The following UGGT2 variants were observed in gnomAD, a reference collection of about 807,000 sequenced individuals.
UGGT2 encodes the protein UDP-glucose:glycoprotein glucosyltransferase 2.
A neutral mutation model predicts 192.1 loss-of-function variants in UGGT2; 180 were observed. That is an observed-to-expected ratio of 0.94 (90% CI 0.83 to 1.06). UGGT2 has a LOEUF of 1.06. Among genes scored for constraint, UGGT2 ranks in the 50% least tolerant of loss-of-function variants. The pLI is 0.00. For missense variants in UGGT2, 1,849 were observed against 1,795.7 expected (o/e 1.03, Z -0.54); for synonymous variants, 580 against 591.0 (o/e 0.98, Z 0.27).
intron 35 of UGGT2, 25 bp from the exon 36 acceptor site, chr13:95,853,682 T>C (rs1430615682): frequency 1.3e-6 from 2 of 1,498,040 alleles, no homozygotes; most frequent in Admixed American, 4.6e-5. Context: ...TACTTCTTGA[T>C]AGCCTATGTT....
At chr13:95,957,193 T>G (rs1259846056) in intron 12 of UGGT2, among the ~76,000 whole-genome samples, 1 of 152,188 alleles carries the variant, frequency 6.6e-6, no homozygotes, top group African/African-American at 2.4e-5. Context: ...ATTTAATGTT[T>G]AATGTGAACA....
At chr13:95,982,310 C>G (rs2051152637) in intron 10 of UGGT2, among the ~76,000 whole-genome samples, 1 of 152,202 alleles carries the variant, frequency 6.6e-6, no homozygotes, top group African/African-American at 2.4e-5. Context: ...CACAGGCAAG[C>G]AAGCTAGAAG....
In UGGT2 at chr13:95,893,266, T is replaced by C. The variant is rs571435666; in HGVS notation, c.2855+1296A>G. Among the ~76,000 whole-genome samples the C allele has an allele frequency of 2.0e-5, 3 of 152,268 alleles. No homozygotes were observed. In the East Asian group the frequency reaches 5.8e-4, roughly 29 times the overall value. On this transcript the variant is annotated intron_variant, in intron 24 of 38. Coordinates refer to ENST00000376747, the MANE Select transcript of UGGT2 (RefSeq NM_020121.4). ...AATAACGGATTTATAACAAGTGTTT[T>C]AACATATTTAATTATAAAATGACTC...
chr13:95,963,584 A>C (rs1345018272), intron 12 of UGGT2, among the ~76,000 whole-genome samples: 2 of 152,196 alleles, frequency 1.3e-5, no homozygotes, highest in Admixed American at 6.5e-5. Flanking sequence ...AAATTGGAAA[A>C]GAGGAAGTTA....
At position 96,049,898 on chromosome 13, in the gene UGGT2, T is replaced by A. The variant is rs1361007518; in HGVS notation, c.158+3257A>T. ...AGAATCAGTATCGTGAAAACGGCCA[T>A]ACTGCCCAAGGTAATTTATAGATTC... On this transcript the variant is annotated intron_variant, in intron 1 of 38. Transcript: ENST00000376747. 3.3e-5 allele frequency among the ~76,000 whole-genome samples: 5 copies of A among 152,168 alleles called. No homozygotes were observed. The East Asian group carries it at 9.6e-4, about 29-fold the overall frequency.
chr13:95,992,453 G>A (rs2051487688), intron 7 of UGGT2, among the ~76,000 whole-genome samples: 2 of 152,128 alleles, frequency 1.3e-5, no homozygotes, highest in Non-Finnish European at 2.9e-5. Flanking sequence ...TGTGGCTATT[G>A]TAAATGGGAT....
At chr13:96,007,269 C>A (rs543109794) in intron 5 of UGGT2, among the ~76,000 whole-genome samples, 4 of 152,098 alleles carry the variant, frequency 2.6e-5, no homozygotes, top group Admixed American at 6.5e-5. Context: ...GTCCCTCCCC[C>A]CCAACAAACT....
intron 7 of UGGT2, chr13:95,990,465 CAG>C (rs764845968): frequency 1.3e-5 from 2 of 152,434 alleles, no homozygotes; most frequent in East Asian, 3.9e-4. Flanking sequence ...CTCATACAAT[CAG>C]AGTTTATTTC....
At chr13:95,823,985 T>C (rs1051451354) in intron 38 of UGGT2, among the ~76,000 whole-genome samples, 2 of 152,154 alleles carry the variant, frequency 1.3e-5, no homozygotes, top group African/African-American at 4.8e-5. Context: ...TCCCTGAGCA[T>C]GTGTTTCTCT....
At chr13:95,807,588 C>T (rs1255573215) in intron 38 of UGGT2, among the ~76,000 whole-genome samples, 1 of 152,122 alleles carries the variant, frequency 6.6e-6, no homozygotes, top group Non-Finnish European at 1.5e-5. Flanking sequence ...TCTTCTTCCT[C>T]ATTGTCTGGC....
chr13:95,986,125 C>T (rs1284840736), intron 9 of UGGT2, among the ~76,000 whole-genome samples: 1 of 134,268 alleles, frequency 7.4e-6, no homozygotes, highest in East Asian at 2.1e-4. Flanking sequence ...AAGAGTTCTA[C>T]CTTACAGTGC....
At chr13:95,928,215 GC>G (rs901731878) in intron 17 of UGGT2, among the ~76,000 whole-genome samples, 2 of 150,572 alleles carry the variant, frequency 1.3e-5, no homozygotes, top group African/African-American at 2.4e-5. Flanking sequence ...GGGCAGAGGC[GC>G]CCCCCACCTC....
Position 95,837,046 on chromosome 13 carries a change from C to T in UGGT2, c.4401+40G>A, listed in dbSNP as rs1887365614. 3 of 1,387,258 alleles carry T rather than the reference C, an allele frequency of 2.2e-6. No individual in the cohort carries two copies. The Admixed American group carries it at 5.1e-5, about 24-fold the overall frequency. The allele number at this position is 1,387,258 out of a possible 1,614,324, so 85.9% of individuals were successfully genotyped here. A position where few individuals can be genotyped will look rare whatever the true frequency, so the allele number is the denominator to read the frequency against. On this transcript the variant is annotated intron_variant, in intron 37 of 38. Transcript: ENST00000376747. Reference sequence around the variant, plus strand: ...AGAAAATATTTCTATTTAAACATTTCTGTATCTGCTTACATACAAATGAAA... The same window carrying T: ...AGAAAATATTTCTATTTAAACATTTTTGTATCTGCTTACATACAAATGAAA...
intron 17 of UGGT2, among the ~76,000 whole-genome samples, chr13:95,936,133 T>C (rs759743524): frequency 3.3e-5 from 5 of 152,342 alleles, no homozygotes; most frequent in African/African-American, 4.8e-5. Flanking sequence ...TGACCTAAAT[T>C]CTTTTTTGTT....
chr13:95,809,064 C>T (rs890247352), intron 38 of UGGT2, among the ~76,000 whole-genome samples: 7 of 152,088 alleles, frequency 4.6e-5, no homozygotes, highest in Admixed American at 2.6e-4. Context: ...TCAAAGCCTC[C>T]TATAATTCAA....
chr13:95,964,107 T>C (rs988956364), intron 12 of UGGT2, among the ~76,000 whole-genome samples: 1 of 152,142 alleles, frequency 6.6e-6, no homozygotes, highest in African/African-American at 2.4e-5. Context: ...ATGGTATTGA[T>C]ATAAAGACAG....
At chr13:95,974,649 T>C (rs2050880213) in intron 10 of UGGT2, among the ~76,000 whole-genome samples, 1 of 152,162 alleles carries the variant, frequency 6.6e-6, no homozygotes, top group African/African-American at 2.4e-5. Context: ...CCTTAAGTCC[T>C]GAAAAACTAG....
intron 4 of UGGT2, among the ~76,000 whole-genome samples, chr13:96,017,524 A>C (rs1363628312): frequency 6.6e-6 from 1 of 152,194 alleles, no homozygotes; most frequent in African/African-American, 2.4e-5. Flanking sequence ...TTTACTTATA[A>C]ATTACCCAGC....
chr13:95,869,265 A>G (rs189535029), intron 29 of UGGT2, among the ~76,000 whole-genome samples: 2,772 of 151,782 alleles, frequency 0.018, 49 homozygotes, highest in Non-Finnish European at 0.028. Context: ...TATGTGCCAC[A>G]TTTTCTTAAT....
Sources: gnomAD v4.1 joint callset for allele counts (sites outside exome capture counted in the v4.1 genomes callset) on GRCh38, gnomAD v4.1.1 for gene constraint, MANE v1.5 for transcripts, NCBI Gene and HGNC (gene_info 2026-07-23, HGNC 2026-07-21) for gene names.